Variants in DMD observed in about 807,000 individuals in gnomAD.
DMD encodes the protein dystrophin.
A neutral mutation model predicts 330.1 loss-of-function variants in DMD; 63 were observed. That is an observed-to-expected ratio of 0.19 (90% CI 0.16 to 0.24). DMD has a LOEUF of 0.24. Among genes scored for constraint, DMD ranks in the 10% least tolerant of loss-of-function variants. The pLI, the probability that DMD is intolerant of heterozygous loss-of-function variation, is 1.00. For synonymous variants in DMD, 1,223 were observed against 959.8 expected (o/e 1.27, Z -5.07); for missense variants, 3,344 against 2,684.1 (o/e 1.25, Z -5.43).
intron 13 of DMD, chrX:32,583,886 T>C (rs762005727): frequency 5.4e-5 from 6 of 111,386 alleles, no homozygotes; most frequent in Non-Finnish European, 1.1e-4. Context: ...AGCTTCAGAA[T>C]TTTAAAGTAG....
intron 44 of DMD, among the ~76,000 whole-genome samples, chrX:32,175,445 G>A (rs150801907): frequency 0.029 from 3,194 of 110,599 alleles, 54 homozygotes; most frequent in Non-Finnish European, 0.047. Context: ...AGCCAGCAGC[G>A]GCAACCTGCT....
chrX:32,548,043 T>A (rs942203308), intron 16 of DMD, among the ~76,000 whole-genome samples: 3 of 111,826 alleles, frequency 2.7e-5, no homozygotes, highest in Non-Finnish European at 5.7e-5. Flanking sequence ...ATAACTTGAT[T>A]CGTCATCCAA....
chrX:33,099,990 C>T (rs943871945), intron 1 of DMD, among the ~76,000 whole-genome samples: 6 of 111,816 alleles, frequency 5.4e-5, no homozygotes, highest in African/African-American at 1.3e-4. Context: ...ATAGCTCTAA[C>T]GTAATAGCTC....
At chrX:31,332,201 T>C (rs760415349) in intron 61 of DMD, among the ~76,000 whole-genome samples, 4 of 111,927 alleles carry the variant, frequency 3.6e-5, no homozygotes, top group Admixed American at 9.5e-5. Context: ...TCCTTTAGTC[T>C]GGGGCTCACA....
chrX:31,250,855 T>C (rs2049279897), intron 63 of DMD, among the ~76,000 whole-genome samples: 1 of 110,789 alleles, frequency 9.0e-6, no homozygotes, highest in Non-Finnish European at 1.9e-5. Context: ...AGGCGGAGGC[T>C]GGCAGATCAT....
At chrX:32,000,536 G>T (rs753315935) in intron 44 of DMD, among the ~76,000 whole-genome samples, 1 of 111,690 alleles carries the variant, frequency 9.0e-6, no homozygotes, top group South Asian at 3.7e-4. Flanking sequence ...ATGAGCCAAT[G>T]TGTGTTCCCT....
intron 71 of DMD, among the ~76,000 whole-genome samples, chrX:31,177,474 A>T (rs2040638432): frequency 9.0e-6 from 1 of 111,726 alleles, no homozygotes. Context: ...TTTAAAACGA[A>T]TTCTGCTGAT....
rs771038616 is a variant in DMD, at chrX:33,080,562, A to G, written c.32-60362T>C. ...TTGATTTTTAGTGAAAAACCTGATA[A>G]AAAAGCTATTTTAATTATATGCTAG... On this transcript the variant is annotated intron_variant, in intron 1 of 78. Coordinates refer to ENST00000357033, the MANE Select transcript of DMD (RefSeq NM_004006.3). Among the ~76,000 whole-genome samples the G allele has an allele frequency of 4.5e-5, 5 of 111,980 alleles. No individual in the cohort carries two copies. The South Asian group carries it at 1.5e-3, about 33-fold the overall frequency.
At chrX:33,328,703 G>GA (rs1272529464) in intron 1 of DMD, among the ~76,000 whole-genome samples, 3 of 110,986 alleles carry the variant, frequency 2.7e-5, no homozygotes, top group Admixed American at 1.9e-4. Context: ...TGGTTTACTA[G>GA]AAAAAAACCC....
At chrX:32,575,039 A>T (rs891173894) in intron 13 of DMD, among the ~76,000 whole-genome samples, 5 of 110,491 alleles carry the variant, frequency 4.5e-5, no homozygotes, top group Non-Finnish European at 9.4e-5. Flanking sequence ...CTGAGATTAC[A>T]GGCATCCACC....
intron 1 of DMD, among the ~76,000 whole-genome samples, chrX:33,106,723 T>C (rs1342667782): frequency 8.9e-6 from 1 of 112,068 alleles, no homozygotes; most frequent in East Asian, 2.8e-4. Flanking sequence ...TCACCTATTT[T>C]CCCCTATTCA....
chrX:31,943,450 A>G (rs143668969), intron 45 of DMD, among the ~76,000 whole-genome samples: 100 of 112,227 alleles, frequency 8.9e-4, no homozygotes, highest in Non-Finnish European at 1.7e-3. Flanking sequence ...ATAAACATTA[A>G]TTCTGTTTAA....
chrX:31,146,206 CACTT>C (rs1273310454), intron 76 of DMD, 81 bp downstream of exon 76: 14 of 1,086,792 alleles, frequency 1.3e-5, no homozygotes. Flanking sequence ...ATGAGTCAAA[CACTT>C]ACGGCCAAAT....
intron 41 of DMD, among the ~76,000 whole-genome samples, chrX:32,316,831 G>A (rs1020012076): frequency 1.8e-5 from 2 of 110,628 alleles, no homozygotes; most frequent in African/African-American, 3.3e-5. Context: ...TAAAAGTATA[G>A]CATTCCTATT....
At chrX:32,654,266 A>C (rs950272435) in intron 9 of DMD, among the ~76,000 whole-genome samples, 1 of 111,860 alleles carries the variant, frequency 8.9e-6, no homozygotes. Flanking sequence ...TTGCCCATTC[A>C]ATATGATAGT....
chrX:32,139,148 A>G (rs1451998872), intron 44 of DMD, among the ~76,000 whole-genome samples: 1 of 112,438 alleles, frequency 8.9e-6, no homozygotes, highest in Non-Finnish European at 1.9e-5. Flanking sequence ...TGTTGGGGCA[A>G]CGATTGAGCT....
At chrX:32,677,334 G>A (rs1369906624) in intron 9 of DMD, among the ~76,000 whole-genome samples, 1 of 110,835 alleles carries the variant, frequency 9.0e-6, no homozygotes, top group East Asian at 2.8e-4. Flanking sequence ...TATATCATTT[G>A]GAGATATAAT....
intron 2 of DMD, among the ~76,000 whole-genome samples, chrX:32,900,538 T>A (rs1044955394): frequency 1.8e-5 from 2 of 111,205 alleles, no homozygotes; most frequent in Non-Finnish European, 3.8e-5. Flanking sequence ...AGACTTAATG[T>A]CTTGATATGT....
chrX:32,248,446 C>T (rs905734315), intron 43 of DMD, among the ~76,000 whole-genome samples: 6 of 110,513 alleles, frequency 5.4e-5, no homozygotes, highest in Non-Finnish European at 9.5e-5. Context: ...ATCTTTTAAT[C>T]TCTGAACTAA....
Sources: allele counts gnomAD v4.1 joint callset (sites outside exome capture counted in the v4.1 genomes callset), GRCh38; gene constraint gnomAD v4.1.1; transcripts MANE v1.5; gene names NCBI Gene and HGNC (gene_info 2026-07-23, HGNC 2026-07-21).